The following CLSTN2 variants were observed in gnomAD, a reference collection of about 807,000 sequenced individuals.
CLSTN2 encodes the protein calsyntenin 2.
A neutral mutation model predicts 101.2 loss-of-function variants in CLSTN2; 48 were observed. The observed-to-expected ratio is 0.47, with a 90% CI of 0.38 to 0.60. The LOEUF (loss-of-function observed/expected upper bound fraction) is 0.60, where lower values mean the gene tolerates loss of function less well. Among genes scored for constraint, CLSTN2 ranks in the 20% least tolerant of loss-of-function variants. The pLI is 0.00. For synonymous variants in CLSTN2, 481 were observed against 463.6 expected, an observed-to-expected ratio of 1.04 and a Z score of -0.48; for missense variants, 1,160 against 1,238.2, an observed-to-expected ratio of 0.94 and a Z score of 0.95.
At chr3:140,027,984 G>A (rs1212215043) in intron 1 of CLSTN2, among the ~76,000 whole-genome samples, 1 of 152,176 alleles carries the variant, frequency 6.6e-6, no homozygotes, top group East Asian at 1.9e-4. Flanking sequence ...GTAAAGTGAA[G>A]CAATCCTATC....
At chr3:140,453,371 G>A (rs544797935) in intron 6 of CLSTN2, 3 of 152,316 alleles carry the variant, frequency 2.0e-5, no homozygotes, top group African/African-American at 7.2e-5. Context: ...ACCCTAAGTT[G>A]TTCTCAGGAT....
chr3:140,132,610 T>G (rs2107804759), intron 1 of CLSTN2, among the ~76,000 whole-genome samples: 1 of 152,298 alleles, frequency 6.6e-6, no homozygotes, highest in South Asian at 2.1e-4. Flanking sequence ...AGAGGTGTCA[T>G]GAGGATTAAA....
intron 2 of CLSTN2, among the ~76,000 whole-genome samples, chr3:140,312,238 C>T (rs111256564): frequency 5.0e-4 from 76 of 152,334 alleles, no homozygotes; most frequent in African/African-American, 1.4e-3. Context: ...CTTTACCAGT[C>T]GGAATCCCAG....
At chr3:140,049,673 C>T (rs1002305123) in intron 1 of CLSTN2, among the ~76,000 whole-genome samples, 4 of 152,152 alleles carry the variant, frequency 2.6e-5, no homozygotes, top group South Asian at 4.1e-4. Context: ...CTTCAAGAGA[C>T]ACACATCAGG....
intron 2 of CLSTN2, among the ~76,000 whole-genome samples, chr3:140,402,767 G>A (rs145734387): frequency 5.5e-4 from 83 of 152,272 alleles, no homozygotes; most frequent in African/African-American, 1.8e-3. Context: ...ACCATCTTAC[G>A]GATGACACAG....
intron 1 of CLSTN2, among the ~76,000 whole-genome samples, chr3:140,018,104 C>A (rs1029176166): frequency 2.6e-5 from 4 of 152,312 alleles, no homozygotes; most frequent in African/African-American, 9.6e-5. Flanking sequence ...CTTCAGGGCA[C>A]CCCTTTTCTC....
intron 2 of CLSTN2, among the ~76,000 whole-genome samples, chr3:140,318,301 A>G (rs910956206): frequency 6.6e-6 from 1 of 152,196 alleles, no homozygotes; most frequent in Non-Finnish European, 1.5e-5. Context: ...TGAAGTGGCA[A>G]GGAGGGGCTC....
intron 1 of CLSTN2, among the ~76,000 whole-genome samples, chr3:139,944,627 G>A (rs566926035): frequency 1.3e-5 from 2 of 152,374 alleles, no homozygotes; most frequent in East Asian, 3.9e-4. Flanking sequence ...ACCTCTGTAT[G>A]ACTGTTGCCC....
Position 140,179,620 on chromosome 3 carries a change from CAAAAAAAAAAAAAAAAA to C in CLSTN2, c.232+3563_232+3579del, listed in dbSNP as rs57433306. ...TGCACTCCAGAGCAAGACCCTATCT[CAAAAAAAAAAAAAAAAA>C]AAAAAAAAAAAAAAACCTTGCTATT... On this transcript the variant is annotated intron_variant, in intron 2 of 16. Coordinates refer to ENST00000458420, the MANE Select transcript of CLSTN2 (RefSeq NM_022131.3). Among the ~76,000 whole-genome samples, 142 of 37,472 alleles carry C rather than the reference CAAAAAAAAAAAAAAAAA, an allele frequency of 3.8e-3. 1 individual carries two copies. The highest frequency in any genetic ancestry group is 0.1 in the Middle Eastern group (2 of 20). The allele number at this position is 37,472 out of a possible 152,430, so 24.6% of individuals were successfully genotyped here. A position where few individuals can be genotyped will look rare whatever the true frequency, so the allele number is the denominator to read the frequency against.
intron 2 of CLSTN2, among the ~76,000 whole-genome samples, chr3:140,178,601 G>A (rs1039802885): frequency 6.6e-6 from 1 of 152,124 alleles, no homozygotes; most frequent in African/African-American, 2.4e-5. Context: ...AAAAAATAAA[G>A]GTGGTTTTAG....
intron 1 of CLSTN2, among the ~76,000 whole-genome samples, chr3:139,994,563 C>T (rs1936169837): frequency 6.6e-6 from 1 of 152,200 alleles, no homozygotes; most frequent in Non-Finnish European, 1.5e-5. Context: ...CCCTACTACT[C>T]TGCCCTCACT....
At chr3:140,128,686 C>T (rs760238480) in intron 1 of CLSTN2, among the ~76,000 whole-genome samples, 14 of 152,070 alleles carry the variant, frequency 9.2e-5, no homozygotes, top group Admixed American at 2.0e-4. Context: ...GAGATCTGGG[C>T]GAATAAATAC....
chr3:140,156,649 A>C (rs762761013), intron 1 of CLSTN2, among the ~76,000 whole-genome samples: 16 of 152,206 alleles, frequency 1.1e-4, no homozygotes, highest in Admixed American at 2.6e-4. Context: ...ATACTAAAGC[A>C]GACCTTCTCC....
At chr3:140,216,632 G>A (rs1028113945) in intron 2 of CLSTN2, among the ~76,000 whole-genome samples, 1 of 152,166 alleles carries the variant, frequency 6.6e-6, no homozygotes, top group Non-Finnish European at 1.5e-5. Context: ...GTGATTTAAG[G>A]GAAAGCATAG....
intron 1 of CLSTN2, among the ~76,000 whole-genome samples, chr3:140,062,742 T>G (rs2107773469): frequency 6.6e-6 from 1 of 152,252 alleles, no homozygotes; most frequent in South Asian, 2.1e-4. Flanking sequence ...GTGGGAAAAC[T>G]TGGGTTCTTG....
chr3:140,147,685 G>T (rs1325833965), intron 1 of CLSTN2, among the ~76,000 whole-genome samples: 1 of 152,136 alleles, frequency 6.6e-6, no homozygotes, highest in Non-Finnish European at 1.5e-5. Context: ...TGCTTTCTCT[G>T]CACCAGACTA....
intron 1 of CLSTN2, among the ~76,000 whole-genome samples, chr3:140,013,779 G>A: frequency 6.6e-6 from 1 of 152,056 alleles, no homozygotes; most frequent in African/African-American, 2.4e-5. Flanking sequence ...GAATATATAA[G>A]CTGACTCCTC....
At chr3:140,064,415 A>G (rs565743568) in intron 1 of CLSTN2, among the ~76,000 whole-genome samples, 3 of 152,346 alleles carry the variant, frequency 2.0e-5, no homozygotes, top group Admixed American at 2.0e-4. Flanking sequence ...TTTCCTGCCT[A>G]TGGAGAATCA....
intron 1 of CLSTN2, among the ~76,000 whole-genome samples, chr3:140,068,889 G>C (rs554817215): frequency 2.0e-5 from 3 of 152,310 alleles, no homozygotes; most frequent in South Asian, 2.1e-4. Flanking sequence ...ACATCATACT[G>C]TCTGGTTCAG....
Sources: gnomAD v4.1 joint callset for allele counts (sites outside exome capture counted in the v4.1 genomes callset) on GRCh38, gnomAD v4.1.1 for gene constraint, MANE v1.5 for transcripts, NCBI Gene and HGNC (gene_info 2026-07-23, HGNC 2026-07-21) for gene names.